Variants in SMCO4 observed in about 807,000 individuals in gnomAD.
SMCO4 encodes the protein single-pass membrane protein with coiled-coil domains 4, also known as single-pass membrane and coiled-coil domain-containing protein 4.
In SMCO4, 4 loss-of-function variants were observed where a neutral mutation model predicts 3.6. The observed-to-expected ratio is 1.11, with a 90% confidence interval of 0.54 to 2.53. SMCO4 has a LOEUF of 2.53. SMCO4 is among the 30% of genes most tolerant of loss of function. The pLI is 0.02. For missense variants in SMCO4, 70 were observed against 80.8 expected (o/e 0.87, Z 0.51); for synonymous variants, 36 against 35.3 (o/e 1.02, Z -0.07).
intron 1 of SMCO4, among the ~76,000 whole-genome samples, chr11:93,534,389 G>GAA (rs1311563389): frequency 2.7e-5 from 4 of 148,596 alleles, no homozygotes; most frequent in African/African-American, 7.4e-5. Context: ...GAGAGAGAGA[G>GAA]AGAGAGATAC....
At chr11:93,490,315 C>T (rs1465675248) in intron 2 of SMCO4, among the ~76,000 whole-genome samples, 9 of 152,196 alleles carry the variant, frequency 5.9e-5, no homozygotes, top group Non-Finnish European at 1.2e-4. Context: ...GAAGCAAATT[C>T]AACCATTAAA....
At chr11:93,528,768 G>C (rs1360454827) in intron 1 of SMCO4, among the ~76,000 whole-genome samples, 1 of 152,144 alleles carries the variant, frequency 6.6e-6, no homozygotes, top group Non-Finnish European at 1.5e-5. Context: ...ACTTATCGAA[G>C]GCAGCAGTGA....
chr11:93,480,275 G>A (rs1948576375), intron 2 of SMCO4, among the ~76,000 whole-genome samples: 1 of 152,142 alleles, frequency 6.6e-6, no homozygotes, highest in Admixed American at 6.5e-5. Context: ...CACACTCCCA[G>A]TGTGAGGATG....
Position 93,478,917 on chromosome 11 carries a change from T to C in SMCO4, c.*93A>G, listed in dbSNP as rs547019109. 280 of 1,476,100 alleles carry C rather than the reference T, an allele frequency of 1.9e-4. 4 individuals carry two copies. The South Asian group carries it at 3.4e-3, about 18-fold the overall frequency. 91.4% of individuals were successfully genotyped at this position (1,476,100 alleles called of 1,614,324 possible). On this transcript the variant is annotated 3_prime_UTR_variant, in exon 3 of 3. Transcript: ENST00000298966. The stretch of plus-strand genomic sequence containing the variant: ...TGCTCCTGCTTACAGCTCAGCAACA[T>C]GAACATCTCTGAATATGAAAGCCAT...
chr11:93,535,399 T>C, intron 1 of SMCO4: 1 of 901,946 alleles, frequency 1.1e-6, no homozygotes, highest in Non-Finnish European at 1.7e-6. Flanking sequence ...GCAATAAGAA[T>C]CAAGAAGCCA....
intron 2 of SMCO4, among the ~76,000 whole-genome samples, chr11:93,494,293 A>G (rs1948751176): frequency 6.6e-6 from 1 of 152,242 alleles, no homozygotes; most frequent in Non-Finnish European, 1.5e-5. Flanking sequence ...AAGTCTAGTT[A>G]TCATAAACTT....
At chr11:93,511,350 G>A (rs774145308) in intron 1 of SMCO4, among the ~76,000 whole-genome samples, 18 of 152,106 alleles carry the variant, frequency 1.2e-4, no homozygotes, top group South Asian at 6.2e-4. Flanking sequence ...ATGCAGGCCA[G>A]CCTTTGTGCC....
upstream of SMCO4, among the ~76,000 whole-genome samples, chr11:93,545,608 A>AAG (rs1323164097): frequency 1.8e-3 from 258 of 144,748 alleles, 4 homozygotes; most frequent in Middle Eastern, 3.5e-3. Flanking sequence ...AAAAAAAAAA[A>AAG]AGAGAGAGAG....
At chr11:93,500,867 G>T (rs571383443) in intron 1 of SMCO4, among the ~76,000 whole-genome samples, 9 of 152,342 alleles carry the variant, frequency 5.9e-5, no homozygotes, top group African/African-American at 1.9e-4. Flanking sequence ...AGTAGCTGCA[G>T]CAAAGGCTCT....
chr11:93,482,613 G>A (rs957858743), intron 2 of SMCO4, among the ~76,000 whole-genome samples: 3 of 152,220 alleles, frequency 2.0e-5, no homozygotes, highest in Non-Finnish European at 2.9e-5. Context: ...AAAAGAGAAC[G>A]TGCTGTCGTG....
chr11:93,493,618 G>C (rs2605609), intron 2 of SMCO4, among the ~76,000 whole-genome samples: 99,974 of 151,988 alleles, frequency 0.66, 33,171 homozygotes, highest in African/African-American at 0.7. Flanking sequence ...ACCCATGTCT[G>C]ATCTTAGTCC....
intron 1 of SMCO4, among the ~76,000 whole-genome samples, chr11:93,540,537 C>G (rs1949263324): frequency 1.3e-5 from 2 of 152,226 alleles, no homozygotes; most frequent in African/African-American, 4.8e-5. Flanking sequence ...CATACAGTAT[C>G]TCATTTAACT....
chr11:93,544,445 T>G (rs1316252213), upstream of SMCO4, among the ~76,000 whole-genome samples: 11 of 152,186 alleles, frequency 7.2e-5, 1 homozygote, highest in South Asian at 2.3e-3. Context: ...AGTCTTGGGG[T>G]TTTTTTGTTC....
At chr11:93,483,846 C>T (rs537429529) in intron 2 of SMCO4, among the ~76,000 whole-genome samples, 27 of 152,348 alleles carry the variant, frequency 1.8e-4, no homozygotes, top group Admixed American at 4.6e-4. Flanking sequence ...CAGTCCCCAC[C>T]TTCCTGGGTG....
intron 1 of SMCO4, among the ~76,000 whole-genome samples, chr11:93,542,907 T>C (rs1949282695): frequency 6.6e-6 from 1 of 152,134 alleles, no homozygotes; most frequent in Non-Finnish European, 1.5e-5. Flanking sequence ...CCAAGCCCTT[T>C]GCACTGCGTC....
rs184557825 is a variant in SMCO4 at position 93,497,361 on chromosome 11, C to G, written c.-81+1915G>C. Among the ~76,000 whole-genome samples the G allele has an allele frequency of 2.3e-3, 346 of 152,350 alleles. 3 individuals carry two copies. Among genetic ancestry groups the G allele is most frequent in the African/African-American group, 7.9e-3 (328 of 41,580 alleles). The stretch of plus-strand genomic sequence containing the variant: ...TTAAGCTGATCAAACCTGTTAGTGT[C>G]TTCCAGTTTACTCAGAGTAAGACAA... On this transcript the variant is annotated intron_variant, in intron 2 of 2. Transcript: ENST00000298966.
intron 1 of SMCO4, among the ~76,000 whole-genome samples, chr11:93,531,607 T>G (rs1949163027): frequency 6.6e-6 from 1 of 152,188 alleles, no homozygotes; most frequent in Non-Finnish European, 1.5e-5. Flanking sequence ...CACAATGAGG[T>G]CATACTGATG....
intron 2 of SMCO4, among the ~76,000 whole-genome samples, chr11:93,484,317 TG>T (rs1948623828): frequency 6.6e-6 from 1 of 152,244 alleles, no homozygotes; most frequent in South Asian, 2.1e-4. Context: ...TATGCATGTA[TG>T]CACACATGCT....
chr11:93,517,847 T>A (rs1266730557), intron 1 of SMCO4, among the ~76,000 whole-genome samples: 1 of 152,190 alleles, frequency 6.6e-6, no homozygotes, highest in Non-Finnish European at 1.5e-5. Context: ...CCTACCCGCA[T>A]TGAAGTACCC....
Sources: gnomAD v4.1 joint callset for allele counts (sites outside exome capture counted in the v4.1 genomes callset) on GRCh38, gnomAD v4.1.1 for gene constraint, MANE v1.5 for transcripts, NCBI Gene and HGNC (gene_info 2026-07-23, HGNC 2026-07-21) for gene names.